The following PARD3 variants were observed in gnomAD, a reference collection of about 807,000 sequenced individuals.
The protein encoded by PARD3 is partitioning defective 3 homolog.
Under a neutral mutation model 155.4 loss-of-function variants are expected in PARD3, and 75 were observed. The ratio of observed to expected loss-of-function variants is 0.48; its 90% CI spans 0.40 to 0.58. The LOEUF (loss-of-function observed/expected upper bound fraction) is 0.58, where lower values mean the gene tolerates loss of function less well. Ranked by LOEUF, PARD3 falls within the 20% of genes least tolerant of loss-of-function variation. PARD3 has a pLI of 0.00. For synonymous variants in PARD3, 576 were observed against 610.5 expected (o/e 0.94, Z 0.83); for missense variants, 1,642 against 1,721.7 (o/e 0.95, Z 0.82).
chr10:34,254,579 T>TGC (rs71033306), intron 22 of PARD3, among the ~76,000 whole-genome samples: 1 of 147,668 alleles, frequency 6.8e-6, no homozygotes, highest in African/African-American at 2.6e-5. Context: ...TGTGTGTGTG[T>TGC]ATAAAAATTT....
intron 2 of PARD3, among the ~76,000 whole-genome samples, chr10:34,631,057 C>T (rs535488373): frequency 3.9e-5 from 6 of 151,964 alleles, no homozygotes; most frequent in Non-Finnish European, 8.8e-5. Context: ...CCAAGTGATC[C>T]GCCTACATCA....
chr10:34,336,258 A>G lies in PARD3; in HGVS notation c.2561-15T>C. On this transcript the variant is annotated splice_polypyrimidine_tract_variant and intron_variant, in intron 17 of 24. Transcript: ENST00000374788. ...CTCGTCAGCTACTGTTAAAAGGTAAATGTATAATAGTTAGCCCAGTTAGTT... is the reference window on the plus strand; with the variant it reads ...CTCGTCAGCTACTGTTAAAAGGTAAGTGTATAATAGTTAGCCCAGTTAGTT... 1 of 1,606,202 alleles carries G rather than the reference A, an allele frequency of 6.2e-7. No individual in the cohort carries two copies. The highest frequency in any genetic ancestry group is 1.1e-5 in the South Asian group (1 of 90,754).
At chr10:34,186,164 A>G (rs1260145880) in intron 22 of PARD3, among the ~76,000 whole-genome samples, 1 of 151,866 alleles carries the variant, frequency 6.6e-6, no homozygotes, top group Non-Finnish European at 1.5e-5. Context: ...CAGGAAGAAA[A>G]GGAAAGCTCA....
rs1005674762 is a variant in PARD3 at position 34,413,288 on chromosome 10, C to T, written c.715-11371G>A. Among the ~76,000 whole-genome samples the T allele has an allele frequency of 2.0e-5, 3 of 152,106 alleles. No individual in the cohort carries two copies. In the East Asian group the frequency reaches 5.8e-4, roughly 29 times the overall value. On this transcript the variant is annotated intron_variant, in intron 5 of 24. Transcript: ENST00000374788. ...ACACCTATGCATTAATACCTGACTC[C>T]AGAGCATGGATGTGTTTAATTGTGT...
chr10:34,713,884 GTAACTATAA>G (rs1442165109), intron 1 of PARD3, among the ~76,000 whole-genome samples: 1 of 152,078 alleles, frequency 6.6e-6, no homozygotes, highest in African/African-American at 2.4e-5. Context: ...CTGAGGCCTG[GTAACTATAA>G]TATTGGGTGG....
chr10:34,733,919 T>G, intron 1 of PARD3, among the ~76,000 whole-genome samples: 1 of 151,642 alleles, frequency 6.6e-6, no homozygotes, highest in African/African-American at 2.4e-5. Context: ...GAGAGTAAAT[T>G]ATGCTTCTGC....
At chr10:34,694,697 G>C (rs1158011253) in intron 2 of PARD3, among the ~76,000 whole-genome samples, 2 of 151,794 alleles carry the variant, frequency 1.3e-5, no homozygotes, top group South Asian at 2.1e-4. Context: ...TGCATTTTTT[G>C]ATACAATGTA....
chr10:34,542,678 A>G (rs2083733297), intron 2 of PARD3, among the ~76,000 whole-genome samples: 1 of 152,224 alleles, frequency 6.6e-6, no homozygotes, highest in East Asian at 1.9e-4. Flanking sequence ...CTTAATGGGC[A>G]TTGTTAAAAC....
chr10:34,181,960 A>T (rs1428831034), intron 22 of PARD3, among the ~76,000 whole-genome samples: 4 of 152,194 alleles, frequency 2.6e-5, no homozygotes, highest in African/African-American at 9.6e-5. Context: ...GCCCCAGTTT[A>T]TCACATTAGG....
intron 14 of PARD3, among the ~76,000 whole-genome samples, chr10:34,351,874 T>C (rs1838124339): frequency 1.3e-5 from 2 of 152,266 alleles, no homozygotes; most frequent in Admixed American, 1.3e-4. Context: ...AAGCAAATCA[T>C]TTGACCTCTT....
intron 1 of PARD3, among the ~76,000 whole-genome samples, chr10:34,810,886 C>T (rs1168926589): frequency 6.6e-6 from 1 of 152,030 alleles, no homozygotes; most frequent in Non-Finnish European, 1.5e-5. Flanking sequence ...GTTGGTGTAC[C>T]CAAGGTTAAA....
chr10:34,150,030 T>A (rs761585285), intron 22 of PARD3, among the ~76,000 whole-genome samples: 2 of 152,214 alleles, frequency 1.3e-5, no homozygotes. Flanking sequence ...TGGTCTTAAC[T>A]CATAGAGGGT....
chr10:34,181,998 T>C (rs1187094541), intron 22 of PARD3, among the ~76,000 whole-genome samples: 1 of 152,142 alleles, frequency 6.6e-6, no homozygotes, highest in East Asian at 1.9e-4. Flanking sequence ...GATAAGAATT[T>C]GTTGAATTTA....
intron 2 of PARD3, among the ~76,000 whole-genome samples, chr10:34,649,938 C>G (rs756035180): frequency 9.3e-5 from 14 of 151,090 alleles, no homozygotes; most frequent in Non-Finnish European, 1.8e-4. Flanking sequence ...GACACACACA[C>G]ACACACATTA....
At chr10:34,491,866 G>A (rs550661090) in intron 3 of PARD3, among the ~76,000 whole-genome samples, 8 of 152,144 alleles carry the variant, frequency 5.3e-5, no homozygotes, top group African/African-American at 9.7e-5. Context: ...CAACCCAGTC[G>A]TGGTTTCCTA....
At chr10:34,473,363 C>T (rs1040306580) in intron 3 of PARD3, among the ~76,000 whole-genome samples, 12 of 151,986 alleles carry the variant, frequency 7.9e-5, no homozygotes, top group South Asian at 2.1e-4. Flanking sequence ...TTGATTACCA[C>T]GCTGATGAGA....
intron 2 of PARD3, among the ~76,000 whole-genome samples, chr10:34,629,104 A>G (rs2092132686): frequency 6.6e-6 from 1 of 152,198 alleles, no homozygotes; most frequent in Non-Finnish European, 1.5e-5. Flanking sequence ...AGAATAATGT[A>G]CCCAATTGGT....
chr10:34,343,930 A>C (rs922380293), intron 15 of PARD3: 5 of 980,844 alleles, frequency 5.1e-6, no homozygotes, highest in African/African-American at 1.7e-5. Context: ...AACACCACAC[A>C]TGATACTAGA....
At chr10:34,219,556 G>A (rs929045657) in intron 22 of PARD3, among the ~76,000 whole-genome samples, 6 of 152,142 alleles carry the variant, frequency 3.9e-5, no homozygotes, top group Non-Finnish European at 7.3e-5. Context: ...TAATAGGGCT[G>A]GTAATGAGAT....
Sources: gnomAD v4.1 joint callset for allele counts (sites outside exome capture counted in the v4.1 genomes callset) on GRCh38, gnomAD v4.1.1 for gene constraint, MANE v1.5 for transcripts, NCBI Gene and HGNC (gene_info 2026-07-23, HGNC 2026-07-21) for gene names.